Variants in GOLGA8B observed in about 807,000 individuals in gnomAD.
GOLGA8B encodes golgin subfamily A member 8B.
In GOLGA8B, 1 loss-of-function variant was observed where a neutral mutation model predicts 15.6. The observed-to-expected ratio is 0.06, with a 90% CI of 0.02 to 0.30. The LOEUF (loss-of-function observed/expected upper bound fraction) is 0.30. GOLGA8B is among the 10% of genes least tolerant of loss of function. The probability of loss-of-function intolerance (pLI) is 1.00; values close to 1 mark genes in which losing one functional copy is unlikely to be tolerated. For missense variants in GOLGA8B, 17 were observed against 201.3 expected (o/e 0.08, Z 5.54); for synonymous variants, 9 against 80.3 (o/e 0.11, Z 4.75).
In GOLGA8B at chr15:34,525,110, CCT is replaced by C. The variant is rs901866489; in HGVS notation, c.*2520_*2521del. The stretch of plus-strand genomic sequence containing the variant: ...ACCCCATAACTTTTTTAATCCCATA[CCT>C]TTTTTATTTTGTGTTCTTTTAATAA... On this transcript the variant is annotated 3_prime_UTR_variant, in exon 24 of 24. Transcript: ENST00000683415. 8 of 149,668 alleles carry C rather than the reference CCT, an allele frequency of 5.3e-5. No individual in the cohort carries two copies. Among genetic ancestry groups the C allele is most frequent in the African/African-American group, 2.0e-4 (8 of 40,438 alleles). 9.3% of individuals were successfully genotyped at this position (149,668 alleles called of 1,614,324 possible). A position where few individuals can be genotyped will look rare whatever the true frequency, so the allele number is the denominator to read the frequency against.
In GOLGA8B at chr15:34,526,781, C is replaced by T. The variant is rs16954481; in HGVS notation, c.*851G>A. 24,418 of 148,846 alleles carry T rather than the reference C, an allele frequency of 0.16. 3,886 individuals carry two copies. Among genetic ancestry groups the T allele is most frequent in the Admixed American group, 0.28 (4,063 of 14,652 alleles). The allele number at this position is 148,846 out of a possible 1,614,324, so 9.2% of individuals were successfully genotyped here. A position where few individuals can be genotyped will look rare whatever the true frequency, so the allele number is the denominator to read the frequency against. On this transcript the variant is annotated 3_prime_UTR_variant, in exon 24 of 24. Coordinates refer to ENST00000683415, the MANE Select transcript of GOLGA8B (RefSeq NM_001023567.5). ...AAAGGTTTTCCACATCCACAGCCAA[C>T]GATGGCAGCCTTTCATTCCTCGGAA...
chr15:34,542,749 T>TTC (rs1182979029), intron 7 of GOLGA8B, among the ~76,000 whole-genome samples: 6 of 144,866 alleles, frequency 4.1e-5, no homozygotes, highest in East Asian at 2.1e-4. Context: ...CGGCATATCT[T>TTC]TCTCTCTCTC....
At chr15:34,578,778 G>A (rs758604407) in intron 1 of GOLGA8B, among the ~76,000 whole-genome samples, 3 of 152,176 alleles carry the variant, frequency 2.0e-5, no homozygotes, top group Admixed American at 6.5e-5. Flanking sequence ...CAGACAACTA[G>A]AGATGAAAAT....
chr15:34,573,287 G>C (rs551945952), intron 1 of GOLGA8B, among the ~76,000 whole-genome samples: 17 of 152,148 alleles, frequency 1.1e-4, no homozygotes, highest in Non-Finnish European at 2.2e-4. Flanking sequence ...GCCTGTAATC[G>C]CAGCACTTTG....
intron 1 of GOLGA8B, among the ~76,000 whole-genome samples, chr15:34,572,024 G>A (rs1208318191): frequency 6.6e-6 from 1 of 152,192 alleles, no homozygotes; most frequent in Admixed American, 6.5e-5. Flanking sequence ...GAATTAGAAA[G>A]AGAAATTCAA....
At chr15:34,575,052 C>T (rs1216381019) in intron 1 of GOLGA8B, 1 of 151,470 alleles carries the variant, frequency 6.6e-6, no homozygotes, top group Non-Finnish European at 1.5e-5. Flanking sequence ...CTGCTGTTCC[C>T]GCTCCTTCTT....
chr15:34,577,091 C>T (rs961020300), intron 1 of GOLGA8B, among the ~76,000 whole-genome samples: 1 of 151,788 alleles, frequency 6.6e-6, no homozygotes, highest in African/African-American at 2.4e-5. Context: ...CTTCCCAGAG[C>T]TTCCAGTTCC....
chr15:34,577,893 T>C (rs1348603493), intron 1 of GOLGA8B, among the ~76,000 whole-genome samples: 1 of 152,194 alleles, frequency 6.6e-6, no homozygotes, highest in African/African-American at 2.4e-5. Flanking sequence ...TTATAAACAT[T>C]GTACAGTTAG....
At chr15:34,581,492 G>A (rs1235841882) in intron 1 of GOLGA8B, 1 of 152,048 alleles carries the variant, frequency 6.6e-6, no homozygotes, top group Non-Finnish European at 1.5e-5. Context: ...GCATTTCTTA[G>A]CTCAGTTGGC....
intron 1 of GOLGA8B, among the ~76,000 whole-genome samples, chr15:34,563,795 T>C (rs1347415059): frequency 6.9e-6 from 1 of 145,344 alleles, no homozygotes; most frequent in African/African-American, 2.5e-5. Context: ...ATCTGTGAAT[T>C]ACCTGATGAA....
intron 1 of GOLGA8B, among the ~76,000 whole-genome samples, chr15:34,571,644 C>A: frequency 6.7e-6 from 1 of 148,270 alleles, no homozygotes; most frequent in African/African-American, 2.5e-5. Flanking sequence ...ATCCACAAAT[C>A]ACACCGTATC....
Position 34,526,104 on chromosome 15 carries a change from T to C in GOLGA8B, c.*1528A>G, listed in dbSNP as rs1888048259. The C allele has an allele frequency of 6.7e-6, 1 of 149,942 alleles. No individual in the cohort carries two copies. The highest frequency in any genetic ancestry group is 1.5e-5 in the Non-Finnish European group (1 of 67,260). 9.3% of individuals were successfully genotyped at this position (149,942 alleles called of 1,614,324 possible). A position where few individuals can be genotyped will look rare whatever the true frequency, so the allele number is the denominator to read the frequency against. On this transcript the variant is annotated 3_prime_UTR_variant, in exon 24 of 24. Transcript: ENST00000683415. The stretch of plus-strand genomic sequence containing the variant: ...AATCACAGAAATATTGCACAAAATA[T>C]GTCCCTGACTGAAACTGAGAGGTAC...
intron 1 of GOLGA8B, among the ~76,000 whole-genome samples, chr15:34,577,469 G>C (rs1417509111): frequency 6.9e-6 from 1 of 145,124 alleles, no homozygotes; most frequent in Non-Finnish European, 1.5e-5. Context: ...TCAATTCCAG[G>C]AATGCCAAAC....
intron 1 of GOLGA8B, among the ~76,000 whole-genome samples, chr15:34,582,258 G>C (rs1889258205): frequency 6.6e-6 from 1 of 152,214 alleles, no homozygotes; most frequent in Non-Finnish European, 1.5e-5. Context: ...CCAGAGGCCT[G>C]AGAAAAAGCC....
chr15:34,577,881 C>CT (rs768386411), intron 1 of GOLGA8B, among the ~76,000 whole-genome samples: 36 of 152,254 alleles, frequency 2.4e-4, no homozygotes, highest in Middle Eastern at 3.4e-3. Flanking sequence ...CTAGTGCAGA[C>CT]TTTATAAACA....
At chr15:34,576,664 G>T (rs1451072199) in intron 1 of GOLGA8B, among the ~76,000 whole-genome samples, 5 of 152,194 alleles carry the variant, frequency 3.3e-5, no homozygotes, top group Admixed American at 1.3e-4. Context: ...TGCCATTCCC[G>T]AGAGAATCAA....
chr15:34,556,966 T>C (rs1037781198), intron 1 of GOLGA8B: 6 of 594,000 alleles, frequency 1.0e-5, no homozygotes, highest in African/African-American at 5.8e-5. Context: ...ATTGGTCCAG[T>C]TGGGAGACAT....
At chr15:34,577,431 C>T (rs201500596) in intron 1 of GOLGA8B, among the ~76,000 whole-genome samples, 14 of 149,786 alleles carry the variant, frequency 9.3e-5, no homozygotes, top group Admixed American at 4.0e-4. Flanking sequence ...TCAGAGGAAT[C>T]CATATTTAGA....
At chr15:34,583,254 G>C (rs1889297191) in intron 1 of GOLGA8B, among the ~76,000 whole-genome samples, 1 of 151,910 alleles carries the variant, frequency 6.6e-6, no homozygotes, top group African/African-American at 2.4e-5. Flanking sequence ...GGATGCGAGA[G>C]TATTGCCTGG....
Sources: gnomAD v4.1 joint callset for allele counts (sites outside exome capture counted in the v4.1 genomes callset) on GRCh38, gnomAD v4.1.1 for gene constraint, MANE v1.5 for transcripts, NCBI Gene and HGNC (gene_info 2026-07-23, HGNC 2026-07-21) for gene names.